Variants in EPC1 observed in about 807,000 individuals in gnomAD.
The protein encoded by EPC1 is enhancer of polycomb 1.
EPC1 carries 12 observed loss-of-function variants against 98.4 expected under a neutral mutation model. The ratio of observed to expected loss-of-function variants is 0.12; its 90% CI spans 0.08 to 0.20. EPC1 has a LOEUF of 0.20. Ranked by LOEUF, EPC1 falls within the 10% of genes least tolerant of loss-of-function variation. EPC1 has a pLI of 1.00. For synonymous variants in EPC1, 357 were observed against 363.9 expected (o/e 0.98, Z 0.21); for missense variants, 729 against 990.5 (o/e 0.74, Z 3.54).
intron 1 of EPC1, among the ~76,000 whole-genome samples, chr10:32,325,020 A>C (rs1592598864): frequency 6.6e-6 from 1 of 152,250 alleles, no homozygotes. Flanking sequence ...TAAATAAATA[A>C]AAATAAATAA....
At chr10:32,310,805 C>G (rs1424831784) in intron 1 of EPC1, among the ~76,000 whole-genome samples, 2 of 151,954 alleles carry the variant, frequency 1.3e-5, no homozygotes, top group Admixed American at 1.3e-4. Flanking sequence ...ACCCGGGAGA[C>G]AGAGGCTGCA....
intron 10 of EPC1, among the ~76,000 whole-genome samples, chr10:32,274,476 T>C (rs1835983340): frequency 6.6e-6 from 1 of 152,192 alleles, no homozygotes; most frequent in Non-Finnish European, 1.5e-5. Context: ...TAGGTACAAA[T>C]TCTGCCATGT....
chr10:32,326,090 A>G (rs746897534), intron 1 of EPC1, among the ~76,000 whole-genome samples: 1 of 152,224 alleles, frequency 6.6e-6, no homozygotes. Context: ...CCAAAAAACA[A>G]AAGTACAGTT....
intron 1 of EPC1, among the ~76,000 whole-genome samples, chr10:32,352,282 C>G (rs3123644): frequency 0.46 from 69,037 of 150,398 alleles, 18,827 homozygotes; most frequent in East Asian, 0.72. Flanking sequence ...CTCCTGACCT[C>G]GTGATCCACC....
intron 1 of EPC1, among the ~76,000 whole-genome samples, chr10:32,335,777 C>G (rs1226288230): frequency 1.3e-5 from 2 of 152,134 alleles, no homozygotes; most frequent in African/African-American, 4.8e-5. Context: ...CTGATCTTTT[C>G]CTCTACTCCA....
intron 1 of EPC1, among the ~76,000 whole-genome samples, chr10:32,318,854 TA>T (rs1220252621): frequency 2.1e-4 from 32 of 152,230 alleles, no homozygotes; most frequent in African/African-American, 7.2e-4. Context: ...CTGGTCTTTC[TA>T]AGAGTTTGAC....
At chr10:32,314,303 G>A (rs1836427784) in intron 1 of EPC1, among the ~76,000 whole-genome samples, 1 of 152,142 alleles carries the variant, frequency 6.6e-6, no homozygotes, top group Non-Finnish European at 1.5e-5. Context: ...AAAAGAGGAT[G>A]AGAAAACACT....
intron 1 of EPC1, among the ~76,000 whole-genome samples, chr10:32,364,083 C>T (rs1482480228): frequency 2.4e-5 from 3 of 126,200 alleles, no homozygotes; most frequent in Non-Finnish European, 4.7e-5. Context: ...GGCGTGATCT[C>T]GGCTCACTGC....
Position 32,359,998 on chromosome 10 carries a change from C to T in EPC1, c.3+18493G>A, listed in dbSNP as rs1839393080. Among the ~76,000 whole-genome samples, 2 of 150,632 alleles carry T rather than the reference C, an allele frequency of 1.3e-5. 1 individual carries two copies. Among genetic ancestry groups the T allele is most frequent in the South Asian group, 4.2e-4 (2 of 4,770 alleles). On this transcript the variant is annotated intron_variant, in intron 1 of 13. Transcript: ENST00000375110. ...GTATATTTCATACTTTTGTATCATT[C>T]GTATGTTTGTATCATTAGTAGTTTT...
chr10:32,340,039 GC>G (rs1392629648), intron 1 of EPC1, among the ~76,000 whole-genome samples: 1 of 152,172 alleles, frequency 6.6e-6, no homozygotes, highest in African/African-American at 2.4e-5. Flanking sequence ...GGTCATGTTT[GC>G]CCCTAGATTC....
Position 32,347,034 on chromosome 10 carries a change from G to T in EPC1, c.-119C>A, listed in dbSNP as rs1003613556. On this transcript the variant is annotated 5_prime_UTR_variant, in exon 1 of 14. Transcript: ENST00000319778. The stretch of plus-strand genomic sequence containing the variant: ...CTGCCGGGGACTTGAGGGGCGGAGC[G>T]CAGAGCCCGCCGTCCGGGCACTAAC... The T allele has an allele frequency of 6.1e-6, 9 of 1,484,744 alleles. No individual in the cohort carries two copies. The African/African-American group carries it at 1.3e-4, about 21-fold the overall frequency. The allele number at this position is 1,484,744 out of a possible 1,614,324, so 92.0% of individuals were successfully genotyped here.
chr10:32,296,661 C>A (rs1835179877), intron 2 of EPC1, among the ~76,000 whole-genome samples: 1 of 152,160 alleles, frequency 6.6e-6, no homozygotes, highest in African/African-American at 2.4e-5. Context: ...TGTAATCCAG[C>A]ACTTTGGGAG....
intron 1 of EPC1, among the ~76,000 whole-genome samples, chr10:32,313,851 A>C (rs142160436): frequency 0.02 from 3,026 of 152,158 alleles, 103 homozygotes; most frequent in African/African-American, 0.068. Flanking sequence ...GCGCCACTGC[A>C]CTCCAGCCTG....
intron 1 of EPC1, among the ~76,000 whole-genome samples, chr10:32,308,489 C>G (rs943974492): frequency 2.0e-5 from 3 of 152,016 alleles, no homozygotes; most frequent in Non-Finnish European, 4.4e-5. Context: ...GAAACAAATT[C>G]ACCTTTGTCA....
chr10:32,300,019 T>A (rs954890686), intron 2 of EPC1, among the ~76,000 whole-genome samples: 2 of 29,300 alleles, frequency 6.8e-5, no homozygotes, highest in Non-Finnish European at 1.2e-4. Flanking sequence ...GTTCATGCCA[T>A]CTCCTGCCTC....
chr10:32,360,337 C>G (rs771934197), intron 1 of EPC1, among the ~76,000 whole-genome samples: 5 of 152,196 alleles, frequency 3.3e-5, no homozygotes, highest in African/African-American at 9.7e-5. Context: ...CTGGTAGTTG[C>G]ACAGTGGCTG....
chr10:32,269,258 G>T, intron 13 of EPC1, 123 bp from the exon 14 acceptor site: 1 of 713,802 alleles, frequency 1.4e-6, no homozygotes, highest in South Asian at 1.8e-5. Context: ...TTGGGAACAA[G>T]CTAGCAAGTA....
chr10:32,342,079 GATTTT>G (rs1838395114), intron 1 of EPC1, among the ~76,000 whole-genome samples: 2 of 151,684 alleles, frequency 1.3e-5, no homozygotes, highest in African/African-American at 4.9e-5. Flanking sequence ...AATTCTCTTT[GATTTT>G]ATCTGAAGTA....
chr10:32,329,389 G>C (rs1280326816), intron 1 of EPC1, among the ~76,000 whole-genome samples: 1 of 152,212 alleles, frequency 6.6e-6, no homozygotes, highest in African/African-American at 2.4e-5. Flanking sequence ...AAGCCACTAA[G>C]ATTTTGGGAT....
Sources: allele counts gnomAD v4.1 joint callset (sites outside exome capture counted in the v4.1 genomes callset), GRCh38; gene constraint gnomAD v4.1.1; transcripts MANE v1.5; gene names NCBI Gene and HGNC (gene_info 2026-07-23, HGNC 2026-07-21).